RGS12: variants seen among roughly 807,000 people sequenced by gnomAD.
The protein encoded by RGS12 is regulator of G-protein signaling 12.
A neutral mutation model predicts 120.1 loss-of-function variants in RGS12; 66 were observed. The ratio of observed to expected loss-of-function variants is 0.55; its 90% CI spans 0.45 to 0.67. The LOEUF is 0.67. Ranked by LOEUF, RGS12 falls within the 30% of genes least tolerant of loss-of-function variation. The pLI, the probability that RGS12 is intolerant of heterozygous loss-of-function variation, is 0.00. For missense variants in RGS12, 1,859 were observed against 1,957.7 expected, an observed-to-expected ratio of 0.95 and a Z score of 0.95; for synonymous variants, 827 against 804.7, an observed-to-expected ratio of 1.03 and a Z score of -0.47.
In RGS12 at chr4:3,304,593, A is replaced by G. The variant is rs529463126; in HGVS notation, c.-101-11477A>G. 5.3e-5 allele frequency among the ~76,000 whole-genome samples: 8 copies of G among 152,272 alleles called. No individual in the cohort carries two copies. The South Asian group carries it at 1.7e-3, about 32-fold the overall frequency. On this transcript the variant is annotated intron_variant, in intron 1 of 17. Coordinates refer to ENST00000336727, the MANE Select transcript of RGS12 (RefSeq NM_001394154.1). ...TCGGTTTCCTCATTTGTAAAACGGG[A>G]TAATTAGACTTCGCTTGTGAGATTA...
chr4:3,428,784 GC>G, intron 16 of RGS12, 73 bp downstream of exon 16: 2 of 1,326,766 alleles, frequency 1.5e-6, no homozygotes, highest in South Asian at 2.9e-5. Context: ...CAGTAGATCT[GC>G]TTTGAGCTGT....
chr4:3,327,086 G>A (rs1292132219), intron 2 of RGS12, among the ~76,000 whole-genome samples: 4 of 152,160 alleles, frequency 2.6e-5, no homozygotes, highest in African/African-American at 4.8e-5. Context: ...AACCAAAATA[G>A]CATGTTACTG....
intron 17 of RGS12, chr4:3,431,684 T>C (rs752782073): frequency 8.1e-6 from 8 of 985,308 alleles, no homozygotes; most frequent in Non-Finnish European, 9.6e-6. Flanking sequence ...TTTCCAGGGG[T>C]CCGAGGGCCG....
chr4:3,320,840 T>C (rs1725130569), intron 2 of RGS12, among the ~76,000 whole-genome samples: 1 of 152,088 alleles, frequency 6.6e-6, no homozygotes, highest in African/African-American at 2.4e-5. Context: ...AAGGTGGCCG[T>C]GACCGTCCGC....
intron 3 of RGS12, among the ~76,000 whole-genome samples, chr4:3,358,360 CAG>C (rs1395297304): frequency 6.6e-6 from 1 of 152,182 alleles, no homozygotes; most frequent in African/African-American, 2.4e-5. Context: ...CTAGAACTTA[CAG>C]TACTGTGTTG....
intron 4 of RGS12, among the ~76,000 whole-genome samples, chr4:3,400,170 A>G (rs1301461685): frequency 6.6e-6 from 1 of 152,236 alleles, no homozygotes; most frequent in African/African-American, 2.4e-5. Context: ...CCTGATACCA[A>G]TATTGGAGAA....
the RGS12 span, among the ~76,000 whole-genome samples, chr4:3,286,567 C>T: frequency 1.3e-3 from 197 of 152,328 alleles, no homozygotes; most frequent in African/African-American, 4.2e-3. Context: ...CCCCGGCCTC[C>T]TGGGGTGGAA....
chr4:3,318,771 T>C (rs983548966), intron 2 of RGS12, among the ~76,000 whole-genome samples: 3 of 151,896 alleles, frequency 2.0e-5, no homozygotes, highest in Non-Finnish European at 4.4e-5. Context: ...AGTGTGGGAG[T>C]GTGCGGGGCT....
At chr4:3,324,848 G>C (rs1490401519) in intron 2 of RGS12, 1 of 152,174 alleles carries the variant, frequency 6.6e-6, no homozygotes, top group African/African-American at 2.4e-5. Context: ...GCCAATATGA[G>C]AGGAAAGAAA....
intron 3 of RGS12, among the ~76,000 whole-genome samples, chr4:3,381,568 A>G (rs1381707259): frequency 2.0e-5 from 3 of 152,226 alleles, no homozygotes; most frequent in Non-Finnish European, 2.9e-5. Flanking sequence ...CCTTCTTCAC[A>G]TGGTGGCAGT....
intron 3 of RGS12, among the ~76,000 whole-genome samples, chr4:3,364,858 G>C (rs1365809818): frequency 6.6e-6 from 1 of 152,012 alleles, no homozygotes; most frequent in East Asian, 1.9e-4. Flanking sequence ...GCCAGGGCCT[G>C]GCTGCTGCAG....
At chr4:3,339,752 A>G (rs1339546452) in intron 2 of RGS12, among the ~76,000 whole-genome samples, 1 of 152,240 alleles carries the variant, frequency 6.6e-6, no homozygotes, top group African/African-American at 2.4e-5. Flanking sequence ...GTTGCTGGGC[A>G]GATGTCCTCA....
In RGS12 at chr4:3,366,559, C is replaced by T. The variant is rs1041734368; in HGVS notation, c.1999-19857C>T. 3.9e-5 allele frequency among the ~76,000 whole-genome samples: 6 copies of T among 152,334 alleles called. No homozygotes were observed. The highest frequency in any genetic ancestry group is 5.9e-5 in the Non-Finnish European group (4 of 68,026). On this transcript the variant is annotated intron_variant, in intron 3 of 17. Transcript: ENST00000336727. This position sits in a 1 kb window ranked among gnomAD's most constrained non-coding sequence, Gnocchi z 4.0. The stretch of plus-strand genomic sequence containing the variant: ...CCCGTGAAGGAGGCAGCAGGGCTTG[C>T]GGCCGGGATCCACCAGGGCCGTCCC...
chr4:3,326,850 T>A (rs989268381), intron 2 of RGS12, among the ~76,000 whole-genome samples: 1 of 152,188 alleles, frequency 6.6e-6, no homozygotes, highest in African/African-American at 2.4e-5. Context: ...TATTCATGGA[T>A]TGGAATAATT....
intron 1 of RGS12, among the ~76,000 whole-genome samples, chr4:3,310,309 AGGTGTCCTCTGAGGGGAACCGGGCG>A (rs1260942398): frequency 1.7e-4 from 25 of 145,290 alleles, no homozygotes; most frequent in African/African-American, 6.6e-4. Flanking sequence ...GGGAAATGGC[AGGTGTCCTCTGAGGGGAACCGGGCG>A]GGAGAGGAGC....
rs1441865164 is a variant in RGS12, at chr4:3,425,577, C to G, written c.3331+17C>G. 1.3e-6 allele frequency: 2 copies of G among 1,591,468 alleles called. No individual in the cohort carries two copies. Among genetic ancestry groups the G allele is most frequent in the Admixed American group, 1.7e-5 (1 of 58,408 alleles). On this transcript the variant is annotated intron_variant, in intron 14 of 17. Coordinates refer to ENST00000336727, the MANE Select transcript of RGS12 (RefSeq NM_001394154.1). ...GAGGAAAGGGTGAGTAGGGCTGGTG[C>G]AGCGGATGGGGAGAGGGTGAGTGGG...
rs190474008 is a variant in RGS12, at chr4:3,423,780, G to A, written c.3234+139G>A. The stretch of plus-strand genomic sequence containing the variant: ...TCTGGTTGTCCCCCTTGGAGGAGAG[G>A]AGACAGCCTCTGCCATCCCCAGTTC... On this transcript the variant is annotated intron_variant, in intron 13 of 17. Transcript: ENST00000336727. 1,062 of 1,100,426 alleles carry A rather than the reference G, an allele frequency of 9.7e-4. 4 individuals carry two copies. Among genetic ancestry groups the A allele is most frequent in the Middle Eastern group, 4.9e-3 (16 of 3,276 alleles). The allele number at this position is 1,100,426 out of a possible 1,614,324, so 68.2% of individuals were successfully genotyped here. A position where few individuals can be genotyped will look rare whatever the true frequency, so the allele number is the denominator to read the frequency against.
chr4:3,288,930 G>C (rs1326474477), upstream of RGS12, among the ~76,000 whole-genome samples: 2 of 152,082 alleles, frequency 1.3e-5, no homozygotes, highest in Non-Finnish European at 2.9e-5. This position sits in a 1 kb window ranked among gnomAD's most constrained non-coding sequence, Gnocchi z 5.2. Flanking sequence ...CATTGGTGTA[G>C]CCCCTAGAGT....
chr4:3,394,623 T>A (rs1719864252), intron 4 of RGS12, among the ~76,000 whole-genome samples: 1 of 152,252 alleles, frequency 6.6e-6, no homozygotes, highest in Non-Finnish European at 1.5e-5. Context: ...ACACTTCAGA[T>A]GCATTTTTGT....
Sources: allele counts gnomAD v4.1 joint callset (sites outside exome capture counted in the v4.1 genomes callset), GRCh38; gene constraint gnomAD v4.1.1; non-coding constraint Gnocchi (gnomAD v3.1); transcripts MANE v1.5; gene names NCBI Gene and HGNC (gene_info 2026-07-23, HGNC 2026-07-21).